PRKDC: variants seen among roughly 807,000 people sequenced by gnomAD.
The protein encoded by PRKDC is DNA-dependent protein kinase catalytic subunit.
PRKDC carries 82 observed loss-of-function variants against 486.9 expected under a neutral mutation model. The observed-to-expected ratio is 0.17, with a 90% CI of 0.14 to 0.20. The LOEUF (loss-of-function observed/expected upper bound fraction) is 0.20. PRKDC is among the 10% of genes least tolerant of loss of function. The probability of loss-of-function intolerance (pLI) is 1.00; values close to 1 mark genes in which losing one functional copy is unlikely to be tolerated. For synonymous variants in PRKDC, 1,895 were observed against 1,837.0 expected (o/e 1.03, Z -0.81); for missense variants, 4,504 against 5,038.2 (o/e 0.89, Z 3.21).
At chr8:47,868,612 G>A (rs1452350642) in intron 40 of PRKDC, among the ~76,000 whole-genome samples, 1 of 152,012 alleles carries the variant, frequency 6.6e-6, no homozygotes, top group African/African-American at 2.4e-5. Flanking sequence ...GGAAGGAGTG[G>A]ACCAAGAAGG....
chr8:47,894,997 G>A (rs2089546720), intron 30 of PRKDC, among the ~76,000 whole-genome samples: 1 of 152,100 alleles, frequency 6.6e-6, no homozygotes, highest in African/African-American at 2.4e-5. Flanking sequence ...GATCACTTAA[G>A]CTCAGTTTAT....
rs2088597912 is a variant in PRKDC, at chr8:47,858,566, G to A, written c.6415C>T (p.Pro2139Ser). ...GCTAAGAAGAGACGGATATTTAATG[G>A]TACTATTGGATTTCCCAGTTTGCCA... Reference protein sequence around the residue: ...LHGKLGNPIVPLNIRLFLAKL... With the variant: ...LHGKLGNPIVSLNIRLFLAKL... The change falls in exon 48 of 86, where the codon CCA (proline) becomes TCA (serine). Residue 2139 changes from proline (P) to serine (S), a missense_variant. Around this residue, in one of 6 missense-constraint regions of PRKDC, gnomAD observed 1,592 missense variants for 1,724.6 expected, o/e 0.92. Transcript: ENST00000314191. The A allele has an allele frequency of 1.9e-6, 3 of 1,554,656 alleles. No homozygotes were observed. The highest frequency in any genetic ancestry group is 1.7e-4 in the Middle Eastern group (1 of 5,920).
chr8:47,929,829 C>T, intron 18 of PRKDC, 24 bp downstream of exon 18: 1 of 1,581,026 alleles, frequency 6.3e-7, no homozygotes, highest in Non-Finnish European at 8.6e-7. Context: ...ACGCAAGATT[C>T]AACATCCTGC....
At position 47,860,025 on chromosome 8, in the gene PRKDC, C is replaced by T. The variant is rs193281664; in HGVS notation, c.6059-266G>A. On this transcript the variant is annotated intron_variant, in intron 45 of 85. Transcript: ENST00000314191. ...GGTCCAATTTTGCATATGATTAACA[C>T]ATTTTCTTTGCATTTAAAATTTTGA... Among the ~76,000 whole-genome samples the T allele has an allele frequency of 1.8e-3, 271 of 152,286 alleles. 1 individual carries two copies. The highest frequency in any genetic ancestry group is 6.3e-3 in the African/African-American group (263 of 41,570).
chr8:47,887,799 G>T, intron 34 of PRKDC, 94 bp from the exon 35 acceptor site: 1 of 1,299,132 alleles, frequency 7.7e-7, no homozygotes, highest in Non-Finnish European at 1.0e-6. Flanking sequence ...ACCCACTTCA[G>T]ATAGCACTGA....
At chr8:47,790,739 A>G (rs1286481877) in intron 74 of PRKDC, among the ~76,000 whole-genome samples, 1 of 152,234 alleles carries the variant, frequency 6.6e-6, no homozygotes, top group African/African-American at 2.4e-5. Flanking sequence ...AACAGAATAG[A>G]GAACCCAGAA....
rs765564709 is a variant in PRKDC, at chr8:47,778,494, T to A, written c.11818A>T (p.Ile3940Phe). 1.2e-6 allele frequency: 2 copies of A among 1,613,424 alleles called. No homozygotes were observed. Among genetic ancestry groups the A allele is most frequent in the Non-Finnish European group, 1.7e-6 (2 of 1,179,764 alleles). ...GATCCAAACGCATGCCCAAAGTCGA[T>A]CCCGATCACGCCGCCAGTCTCCATG... is the stretch of plus-strand genomic sequence containing the variant. The part of the protein sequence containing the change: ...VAMETGGVIG[I>F]DFGHAFGSAT... Residue 3940 changes from isoleucine to phenylalanine, a missense_variant, in exon 83 of 86, where the codon ATC (isoleucine) becomes TTC (phenylalanine). Physicochemically the swap from Ile to Phe is conservative, Grantham distance 21. Around this residue, in one of 6 missense-constraint regions of PRKDC, gnomAD observed 706 missense variants for 945.0 expected, o/e 0.75. Coordinates refer to ENST00000314191, the MANE Select transcript of PRKDC (RefSeq NM_006904.7).
intron 63 of PRKDC, among the ~76,000 whole-genome samples, chr8:47,824,343 G>C (rs777011846): frequency 6.6e-6 from 1 of 151,618 alleles, no homozygotes; most frequent in Non-Finnish European, 1.5e-5. Flanking sequence ...GCATGGTGGC[G>C]CATGCCTGTA....
chr8:47,792,576 A>G (rs898256846), intron 74 of PRKDC, among the ~76,000 whole-genome samples: 2 of 152,038 alleles, frequency 1.3e-5, no homozygotes, highest in Non-Finnish European at 2.9e-5. Flanking sequence ...GTAAATTTTT[A>G]TTGTACATTT....
Position 47,871,848 on chromosome 8 carries a change from C to A in PRKDC, c.5363+5876G>T, listed in dbSNP as rs145845404. Among the ~76,000 whole-genome samples, 932 of 151,894 alleles carry A rather than the reference C, an allele frequency of 6.1e-3. 12 individuals carry two copies. Among genetic ancestry groups the A allele is most frequent in the African/African-American group, 0.022 (903 of 41,420 alleles). ...TCAGGAGATCCACCAGCCTCGGCCT[C>A]CCAAAGTGCTGGGATTACAGGCGTG... On this transcript the variant is annotated intron_variant, in intron 40 of 85. Coordinates refer to ENST00000314191, the MANE Select transcript of PRKDC (RefSeq NM_006904.7).
intron 21 of PRKDC, among the ~76,000 whole-genome samples, chr8:47,920,242 T>C (rs2090050944): frequency 6.6e-6 from 1 of 152,218 alleles, no homozygotes; most frequent in African/African-American, 2.4e-5. Context: ...TGTGTGTGTG[T>C]CTTTAATTCC....
At chr8:47,938,330 G>A (rs935372713) in intron 11 of PRKDC, among the ~76,000 whole-genome samples, 1 of 151,404 alleles carries the variant, frequency 6.6e-6, no homozygotes, top group Non-Finnish European at 1.5e-5. Flanking sequence ...AGAATTGCTT[G>A]AACCCGGGAG....
At chr8:47,784,904 G>C (rs1258140999) in intron 77 of PRKDC, among the ~76,000 whole-genome samples, 3 of 152,020 alleles carry the variant, frequency 2.0e-5, no homozygotes, top group Non-Finnish European at 4.4e-5. Flanking sequence ...AGAAATATAA[G>C]AACTATAATC....
At chr8:47,951,426 T>C (rs145292671) in intron 7 of PRKDC, among the ~76,000 whole-genome samples, 2 of 150,822 alleles carry the variant, frequency 1.3e-5, no homozygotes, top group African/African-American at 4.9e-5. Context: ...ATGTATCTGT[T>C]AAGAAACTGG....
chr8:47,928,945 C>T, intron 19 of PRKDC, 147 bp downstream of exon 19: 1 of 637,630 alleles, frequency 1.6e-6, no homozygotes, highest in Non-Finnish European at 2.7e-6. Context: ...CCACCTCGGC[C>T]TCCCAAAGTG....
intron 40 of PRKDC, among the ~76,000 whole-genome samples, chr8:47,873,984 ATTT>A (rs1200890690): frequency 2.3e-5 from 3 of 130,126 alleles, no homozygotes. Flanking sequence ...GTATTTTGCT[ATTT>A]TTTTTTTTTT....
chr8:47,936,452 C>G lies in PRKDC; in HGVS notation c.1179G>C (p.Lys393Asn). 1 of 1,614,066 alleles carries G rather than the reference C, an allele frequency of 6.2e-7. No homozygotes were observed. ...FMYVELIQRC[K>N]QMFLTQTDTG... Reference sequence around the variant, plus strand: ...TGTCTGTCTGGGTGAGGAACATCTGCTTGCAGCGCTGAATGAGCTCAACGT... The same window carrying G: ...TGTCTGTCTGGGTGAGGAACATCTGGTTGCAGCGCTGAATGAGCTCAACGT... The change falls in exon 12 of 86, where the codon AAG becomes AAC. Residue 393 changes from lysine (K) to asparagine (N), a missense_variant. Physicochemically the swap from Lys to Asn is moderately conservative, Grantham distance 94 (BLOSUM62 0). This residue lies in a region of PRKDC where 1,969 missense variants were observed against 2,068.9 expected (regional missense o/e 0.95). Transcript: ENST00000314191.
rs140123272 is a variant in PRKDC at position 47,834,344 on chromosome 8, G to A, written c.8004C>T (p.Val2668=). Residue 2668 remains valine, a synonymous_variant, in exon 59 of 86, where the codon GTC becomes GTT. Transcript: ENST00000314191. ...AGTCAGATGAGGGACTGGTGTGGTC[G>A]ACCAGCGGGTCAGTGCTGCTCCCGG... The part of the protein sequence containing the change: ...WLTGSSTDPL[V]DHTSPSSDSL... 667 of 1,613,920 alleles carry A rather than the reference G, an allele frequency of 4.1e-4. No homozygotes were observed. Among genetic ancestry groups the A allele is most frequent in the Non-Finnish European group, 5.4e-4 (642 of 1,179,894 alleles).
At chr8:47,866,846 G>A (rs1359428211) in intron 40 of PRKDC, among the ~76,000 whole-genome samples, 3 of 152,014 alleles carry the variant, frequency 2.0e-5, no homozygotes, top group African/African-American at 2.4e-5. Context: ...AAAGATACAC[G>A]GGCAAATACA....
Sources: allele counts gnomAD v4.1 joint callset (sites outside exome capture counted in the v4.1 genomes callset), GRCh38; gene constraint gnomAD v4.1.1; regional missense constraint gnomAD v4.1.1; transcripts MANE v1.5; gene names NCBI Gene and HGNC (gene_info 2026-07-23, HGNC 2026-07-21).